The following PCDHGA1 variants were observed in gnomAD, a reference collection of about 807,000 sequenced individuals.
PCDHGA1 encodes the protein protocadherin gamma-A1.
A neutral mutation model predicts 58.0 loss-of-function variants in PCDHGA1; 32 were observed. The observed-to-expected ratio is 0.55, with a 90% CI of 0.42 to 0.74. The LOEUF (loss-of-function observed/expected upper bound fraction) is 0.74, where lower values mean the gene tolerates loss of function less well. Among genes scored for constraint, PCDHGA1 ranks in the 30% least tolerant of loss-of-function variants. PCDHGA1 has a pLI of 0.00. For missense variants in PCDHGA1, 1,205 were observed against 1,182.3 expected, an observed-to-expected ratio of 1.02 and a Z score of -0.28; for synonymous variants, 498 against 501.1, an observed-to-expected ratio of 0.99 and a Z score of 0.08.
chr5:141,399,584 C>A (rs765946308), intron 1 of PCDHGA1: 34 of 1,613,904 alleles, frequency 2.1e-5, no homozygotes, highest in Non-Finnish European at 2.6e-5. Context: ...GTCTCCTACT[C>A]TATCATGGCC....
At chr5:141,510,682 G>C (rs1014890367) in intron 3 of PCDHGA1, among the ~76,000 whole-genome samples, 2 of 152,154 alleles carry the variant, frequency 1.3e-5, no homozygotes, top group Non-Finnish European at 2.9e-5. Context: ...GTGGCATAAG[G>C]AGGTTAGGTA....
At chr5:141,495,591 C>G (rs2099762279) in intron 2 of PCDHGA1, among the ~76,000 whole-genome samples, 3 of 152,222 alleles carry the variant, frequency 2.0e-5, no homozygotes, top group African/African-American at 7.2e-5. Context: ...CCATCTCTGT[C>G]TTAGCTTCCG....
chr5:141,382,310 C>T (rs1423976376), intron 1 of PCDHGA1, among the ~76,000 whole-genome samples: 1 of 152,178 alleles, frequency 6.6e-6, no homozygotes, highest in African/African-American at 2.4e-5. Flanking sequence ...AATTTATATA[C>T]ACTGATGTAA....
chr5:141,356,893 C>T, intron 1 of PCDHGA1: 1 of 1,614,200 alleles, frequency 6.2e-7, no homozygotes, highest in Non-Finnish European at 8.5e-7. Context: ...GATCCTGTAC[C>T]CCACCTTCCC....
At chr5:141,495,007 G>A in intron 2 of PCDHGA1, 142 bp downstream of exon 2, 4 of 1,522,158 alleles carry the variant, frequency 2.6e-6, no homozygotes, top group Non-Finnish European at 3.5e-6. Context: ...TTGGTGTGCG[G>A]GGGGCTGGCA....
chr5:141,364,365 A>G, intron 1 of PCDHGA1: 3 of 1,562,826 alleles, frequency 1.9e-6, no homozygotes, highest in Non-Finnish European at 2.6e-6. Context: ...GGCTGCGGAG[A>G]GCTGCTGCTG....
At chr5:141,370,466 G>A in intron 1 of PCDHGA1, 1 of 1,613,220 alleles carries the variant, frequency 6.2e-7, no homozygotes, top group Non-Finnish European at 8.5e-7. Flanking sequence ...TGCTCTCTTT[G>A]TTAGACCAGG....
rs1188426641 is a variant in PCDHGA1, at chr5:141,340,817, C to T, written c.2421+7712C>T. On this transcript the variant is annotated intron_variant, in intron 1 of 3. Coordinates refer to ENST00000517417, the MANE Select transcript of PCDHGA1 (RefSeq NM_018912.3). ...CCTGCTCAAGGCCAGCGAGCCGGGA[C>T]TCTTCTCGGTGGGTCTGCACACGGG... 4 of 1,613,914 alleles carry T rather than the reference C, an allele frequency of 2.5e-6. No individual in the cohort carries two copies. The Admixed American group carries it at 5.0e-5, about 20-fold the overall frequency.
At chr5:141,356,230 G>C (rs551700676) in intron 1 of PCDHGA1, 17 of 1,592,426 alleles carry the variant, frequency 1.1e-5, no homozygotes, top group Non-Finnish European at 1.5e-5. Flanking sequence ...AAATGACAAC[G>C]CACCAGAAGT....
intron 1 of PCDHGA1, chr5:141,389,945 G>A (rs2150405694): frequency 1.9e-6 from 3 of 1,614,056 alleles, no homozygotes; most frequent in Middle Eastern, 1.6e-4. Context: ...CTGAGCTGCA[G>A]TTTTACCTAG....
intron 2 of PCDHGA1, among the ~76,000 whole-genome samples, chr5:141,504,036 G>T (rs1472706342): frequency 6.6e-6 from 1 of 152,080 alleles, no homozygotes; most frequent in African/African-American, 2.4e-5. Flanking sequence ...ACTCATTTAG[G>T]CAACAAATAT....
At chr5:141,465,894 G>A (rs970043849) in intron 1 of PCDHGA1, among the ~76,000 whole-genome samples, 1 of 152,098 alleles carries the variant, frequency 6.6e-6, no homozygotes, top group Non-Finnish European at 1.5e-5. Flanking sequence ...AGGCCGAGGC[G>A]GGCAAATCAC....
At chr5:141,371,906 C>G in intron 1 of PCDHGA1, 1 of 1,613,406 alleles carries the variant, frequency 6.2e-7, no homozygotes, top group Non-Finnish European at 8.5e-7. Flanking sequence ...TGTCGTCCTA[C>G]GTGTCCGTGA....
In PCDHGA1 at chr5:141,332,324, C is replaced by A. The variant is rs1338944713; in HGVS notation, c.1640C>A (p.Ser547Tyr). 6.2e-7 allele frequency: 1 copy of A among 1,614,100 alleles called. No individual in the cohort carries two copies. Among genetic ancestry groups the A allele is most frequent in the Admixed American group, 1.7e-5 (1 of 60,012 alleles). Residue 547 changes from serine (S) to tyrosine (Y), a missense_variant, in exon 1 of 4, where the codon TCT (serine) becomes TAT (tyrosine). Coordinates refer to ENST00000517417, the MANE Select transcript of PCDHGA1 (RefSeq NM_018912.3). The surrounding 1 kb of genome is among the most constrained non-coding windows in gnomAD (Gnocchi z 4.6). ...SGDPPLSSNV[S>Y]LSLFLLDQND... ...GATCCGCCCCTCAGCAGCAACGTGT[C>A]TCTCAGCCTATTCCTGCTGGACCAG...
chr5:141,355,478 A>G, intron 1 of PCDHGA1: 1 of 1,614,082 alleles, frequency 6.2e-7, no homozygotes, highest in African/African-American at 1.3e-5. Context: ...ATAGACAGGG[A>G]GGAGCTCTGC....
chr5:141,400,044 G>C lies in PCDHGA1; in HGVS notation c.2421+66939G>C, dbSNP rs745775469. 4 of 1,613,556 alleles carry C rather than the reference G, an allele frequency of 2.5e-6. No homozygotes were observed. In the South Asian group the frequency reaches 4.4e-5, roughly 18 times the overall value. On this transcript the variant is annotated intron_variant, in intron 1 of 3. Coordinates refer to ENST00000517417, the MANE Select transcript of PCDHGA1 (RefSeq NM_018912.3). ...GGGACGCGGCCCGCCAGCGCCTGCT[G>C]GTTGCTGTGCGTGATGGTGGACAGC...
chr5:141,376,590 G>A (rs569935512), intron 1 of PCDHGA1: 9 of 1,570,160 alleles, frequency 5.7e-6, no homozygotes, highest in South Asian at 4.7e-5. Context: ...CAGCTAGATC[G>A]GCTGTTATAG....
Position 141,472,217 on chromosome 5 carries a change from C to T in PCDHGA1, c.2422-22590C>T, listed in dbSNP as rs181908144. On this transcript the variant is annotated intron_variant, in intron 1 of 3. Transcript: ENST00000517417. ...CTTTTTGACACTAAGACCTTACTCTCGATCATATAATACATTCACTTTCTA... is the reference window on the plus strand; with the variant it reads ...CTTTTTGACACTAAGACCTTACTCTTGATCATATAATACATTCACTTTCTA... Among the ~76,000 whole-genome samples the T allele has an allele frequency of 3.1e-4, 47 of 152,234 alleles. 1 individual carries two copies. The highest frequency in any genetic ancestry group is 1.1e-3 in the African/African-American group (44 of 41,538).
rs776004958 is a variant in PCDHGA1 at position 141,410,344 on chromosome 5, C to T, written c.2421+77239C>T. 6 of 1,614,006 alleles carry T rather than the reference C, an allele frequency of 3.7e-6. No individual in the cohort carries two copies. In the South Asian group the frequency reaches 6.6e-5, roughly 18 times the overall value. On this transcript the variant is annotated intron_variant, in intron 1 of 3. Transcript: ENST00000517417. ...CCGTGATTCTGGCCATTGCCTTGCG[C>T]CTGCGACGCTCTCTCAGCCCTGCTA...
Sources: allele counts gnomAD v4.1 joint callset (sites outside exome capture counted in the v4.1 genomes callset), GRCh38; gene constraint gnomAD v4.1.1; non-coding constraint Gnocchi (gnomAD v3.1); transcripts MANE v1.5; gene names NCBI Gene and HGNC (gene_info 2026-07-23, HGNC 2026-07-21).